The following TBL1XR1 variants were observed in gnomAD, a reference collection of about 807,000 sequenced individuals.
TBL1XR1 encodes the protein F-box-like/WD repeat-containing protein TBL1XR1.
In TBL1XR1, 5 loss-of-function variants were observed where a neutral mutation model predicts 66.9. The observed-to-expected ratio is 0.07, with a 90% confidence interval of 0.04 to 0.16. TBL1XR1 has a LOEUF of 0.16. Among genes scored for constraint, TBL1XR1 ranks in the 10% least tolerant of loss-of-function variants. TBL1XR1 has a pLI of 1.00. For missense variants in TBL1XR1, 238 were observed against 623.2 expected (o/e 0.38, Z 6.58); for synonymous variants, 210 against 206.0 (o/e 1.02, Z -0.17).
At chr3:177,044,032 C>T (rs1715980125) in intron 10 of TBL1XR1, among the ~76,000 whole-genome samples, 2 of 152,064 alleles carry the variant, frequency 1.3e-5, no homozygotes, top group South Asian at 4.1e-4. Context: ...CTCACTGATG[C>T]TCTGTCACCA....
intron 1 of TBL1XR1, among the ~76,000 whole-genome samples, chr3:177,141,434 A>G (rs1729615207): frequency 6.6e-6 from 1 of 152,254 alleles, no homozygotes; most frequent in Admixed American, 6.5e-5. Flanking sequence ...ACAATGCATT[A>G]GGTTATCAAC....
upstream of TBL1XR1, among the ~76,000 whole-genome samples, chr3:177,199,200 C>T (rs1450371598): frequency 6.6e-6 from 1 of 152,160 alleles, no homozygotes; most frequent in African/African-American, 2.4e-5. Context: ...TAAACAATGT[C>T]ACCCGATGGG....
chr3:177,091,876 T>C (rs1722883413), intron 2 of TBL1XR1, among the ~76,000 whole-genome samples: 1 of 152,208 alleles, frequency 6.6e-6, no homozygotes, highest in Non-Finnish European at 1.5e-5. Context: ...AGTTTCTCTT[T>C]ATAGAAATGT....
chr3:177,128,958 T>TCCC (rs1489840550), intron 1 of TBL1XR1, among the ~76,000 whole-genome samples: 1 of 152,134 alleles, frequency 6.6e-6, no homozygotes, highest in Non-Finnish European at 1.5e-5. Context: ...CGCAACACTC[T>TCCC]CCCCATCAGC....
At chr3:177,090,517 T>TAACAA (rs1722692307) in intron 2 of TBL1XR1, among the ~76,000 whole-genome samples, 1 of 102,466 alleles carries the variant, frequency 9.8e-6, no homozygotes, top group Non-Finnish European at 1.9e-5. Context: ...CTGTCTCTAC[T>TAACAA]AAAAAAAAAA....
chr3:177,169,387 T>C (rs984854156), intron 1 of TBL1XR1, among the ~76,000 whole-genome samples: 2 of 152,200 alleles, frequency 1.3e-5, no homozygotes, highest in Non-Finnish European at 2.9e-5. Context: ...TTCACAGTTA[T>C]AAAAACAATC....
rs376422335 is a variant in TBL1XR1 at position 177,159,015 on chromosome 3, C to G, written c.-122+38106G>C. 3.2e-4 allele frequency among the ~76,000 whole-genome samples: 48 copies of G among 152,134 alleles called. 2 individuals carry two copies. In the South Asian group the frequency reaches 1.0e-2, roughly 32 times the overall value. On this transcript the variant is annotated intron_variant, in intron 1 of 15. Coordinates refer to ENST00000457928, the MANE Select transcript of TBL1XR1 (RefSeq NM_024665.7). ...TCTAAAATTATTAGCATTCAAAGAG[C>G]CTCAATGTAGAGATACCCTATTAAA...
At chr3:177,145,494 A>G (rs1730140494) in intron 1 of TBL1XR1, among the ~76,000 whole-genome samples, 1 of 152,206 alleles carries the variant, frequency 6.6e-6, no homozygotes, top group African/African-American at 2.4e-5. Flanking sequence ...CAGACCCTCT[A>G]GAATAAAGGC....
rs201902723 is a variant in TBL1XR1, at chr3:177,038,480, A to G, written c.926-46T>C. 4.7e-3 allele frequency: 6,808 copies of G among 1,443,858 alleles called. 23 individuals are homozygous for G. The highest frequency in any genetic ancestry group is 5.6e-3 in the Non-Finnish European group (6,114 of 1,093,208). The allele number at this position is 1,443,858 out of a possible 1,614,324, so 89.4% of individuals were successfully genotyped here. On this transcript the variant is annotated intron_variant, in intron 10 of 15. Transcript: ENST00000457928. ...GATTTGCTTTTATTCCACATGTACTAAAATCCAAGAGTTTTAGCTTTGAAC... is the reference window on the plus strand; with the variant it reads ...GATTTGCTTTTATTCCACATGTACTGAAATCCAAGAGTTTTAGCTTTGAAC...
intron 1 of TBL1XR1, among the ~76,000 whole-genome samples, chr3:177,148,177 T>C (rs1432887419): frequency 6.6e-6 from 1 of 152,244 alleles, no homozygotes; most frequent in Non-Finnish European, 1.5e-5. Context: ...AAACTTTTTA[T>C]AAATTGTAGA....
At chr3:177,114,578 G>A (rs1726067529) in intron 1 of TBL1XR1, among the ~76,000 whole-genome samples, 1 of 151,896 alleles carries the variant, frequency 6.6e-6, no homozygotes, top group Admixed American at 6.6e-5. Flanking sequence ...TGGGATTACG[G>A]CATGAGCCAC....
At chr3:177,118,903 C>G (rs901651606) in intron 1 of TBL1XR1, among the ~76,000 whole-genome samples, 3 of 152,090 alleles carry the variant, frequency 2.0e-5, no homozygotes, top group Admixed American at 2.0e-4. Flanking sequence ...CATAATAACT[C>G]AAGAAAAATG....
At chr3:177,050,413 A>C (rs1411723827) in intron 6 of TBL1XR1, 65 bp downstream of exon 6, 55 of 1,569,522 alleles carry the variant, frequency 3.5e-5, no homozygotes, top group Non-Finnish European at 4.7e-5. Flanking sequence ...TGAATAATGC[A>C]TATGTTTATA....
At chr3:177,036,926 C>T (rs1714872051) in intron 12 of TBL1XR1, among the ~76,000 whole-genome samples, 1 of 152,160 alleles carries the variant, frequency 6.6e-6, no homozygotes. Flanking sequence ...GGGCTCAAAG[C>T]TTCATTTATT....
chr3:177,035,927 T>A (rs749979624), intron 12 of TBL1XR1, among the ~76,000 whole-genome samples: 2 of 152,114 alleles, frequency 1.3e-5, no homozygotes, highest in Non-Finnish European at 2.9e-5. Context: ...AAGGCTTGAG[T>A]CAACACCATT....
At chr3:177,050,941 G>A (rs1027328919) in intron 5 of TBL1XR1, among the ~76,000 whole-genome samples, 3 of 152,024 alleles carry the variant, frequency 2.0e-5, no homozygotes, top group East Asian at 3.9e-4. Flanking sequence ...CTGAGTTTCT[G>A]CCAGTAGGGG....
At chr3:177,180,973 T>A (rs1173884895) in intron 1 of TBL1XR1, among the ~76,000 whole-genome samples, 1 of 151,912 alleles carries the variant, frequency 6.6e-6, no homozygotes, top group Non-Finnish European at 1.5e-5. Flanking sequence ...CCTCAGGTGA[T>A]CCACCCACCT....
chr3:177,025,393 G>A lies in TBL1XR1; in HGVS notation c.*105C>T. On this transcript the variant is annotated 3_prime_UTR_variant, in exon 16 of 16. Transcript: ENST00000457928. The stretch of plus-strand genomic sequence containing the variant: ...TATTTCTTTTAGATTTGGCTGTAGT[G>A]GACTGGCCATGGTTCAAGTGGGACT... 1 of 1,190,388 alleles carries A rather than the reference G, an allele frequency of 8.4e-7. No individual in the cohort carries two copies. The highest frequency in any genetic ancestry group is 1.2e-6 in the Non-Finnish European group (1 of 816,866). 73.7% of individuals were successfully genotyped at this position (1,190,388 alleles called of 1,614,324 possible).
intron 10 of TBL1XR1, 42 bp from the exon 11 acceptor site, chr3:177,038,476 T>A (rs1420158962): frequency 6.9e-7 from 1 of 1,451,588 alleles, no homozygotes; most frequent in South Asian, 1.5e-5. Flanking sequence ...ATTCCACATG[T>A]ACTAAAATCC....
Sources: allele counts gnomAD v4.1 joint callset (sites outside exome capture counted in the v4.1 genomes callset), GRCh38; gene constraint gnomAD v4.1.1; transcripts MANE v1.5; gene names NCBI Gene and HGNC (gene_info 2026-07-23, HGNC 2026-07-21).